The following DNAH17 variants were observed in gnomAD, a reference collection of about 807,000 sequenced individuals.
DNAH17 encodes dynein axonemal heavy chain 17.
In DNAH17, 376 loss-of-function variants were observed where a neutral mutation model predicts 485.6. The observed-to-expected ratio is 0.77, with a 90% CI of 0.71 to 0.84. DNAH17 has a LOEUF of 0.84. Ranked by LOEUF, DNAH17 falls within the 40% of genes least tolerant of loss-of-function variation. DNAH17 has a pLI of 0.00. For synonymous variants in DNAH17, 3,031 were observed against 2,405.9 expected, an observed-to-expected ratio of 1.26 and a Z score of -7.60; for missense variants, 6,370 against 5,839.3, an observed-to-expected ratio of 1.09 and a Z score of -2.96.
At chr17:78,445,714 A>G in intron 69 of DNAH17, 34 bp from the exon 70 acceptor site, 3 of 1,578,858 alleles carry the variant, frequency 1.9e-6, no homozygotes, top group Non-Finnish European at 2.6e-6. Context: ...CACTTAACGC[A>G]GCCAGTAAAA....
At position 78,506,861 on chromosome 17, in the gene DNAH17, G is replaced by C. The variant is rs1214043897; in HGVS notation, c.4677-15C>G. ...AGATGGCCAAGCTGGGAGGAAGGAA[G>C]GAAGTAGAGGAGGCCGGTGACCCTA... is the stretch of plus-strand genomic sequence containing the variant. On this transcript the variant is annotated splice_polypyrimidine_tract_variant and intron_variant, in intron 29 of 80. Transcript: ENST00000389840. 1 of 1,613,772 alleles carries C rather than the reference G, an allele frequency of 6.2e-7. No homozygotes were observed. The highest frequency in any genetic ancestry group is 2.2e-5 in the East Asian group (1 of 44,892).
chr17:78,498,936 G>C, intron 37 of DNAH17, 72 bp downstream of exon 37: 1 of 1,200,892 alleles, frequency 8.3e-7, no homozygotes, highest in Non-Finnish European at 1.2e-6. Flanking sequence ...TCTATCTGGC[G>C]TGTGAGGTCA....
At chr17:78,448,683 G>A (rs2087418553) in intron 69 of DNAH17, among the ~76,000 whole-genome samples, 2 of 152,240 alleles carry the variant, frequency 1.3e-5, no homozygotes, top group South Asian at 2.1e-4. Context: ...GTGTTGGGAG[G>A]TGGGGTCTGA....
Position 78,558,218 on chromosome 17 carries a change from A to G in DNAH17, c.2068T>C (p.Phe690Leu), listed in dbSNP as rs771183502. 13 of 1,613,844 alleles carry G rather than the reference A, an allele frequency of 8.1e-6. No individual in the cohort carries two copies. The highest frequency in any genetic ancestry group is 1.1e-5 in the Non-Finnish European group (13 of 1,179,828). Residue 690 changes from phenylalanine to leucine, a missense_variant, in exon 14 of 81, where the codon TTC (phenylalanine) becomes CTC (leucine). By Grantham distance (22) the Phe-to-Leu change is conservative. Coordinates refer to ENST00000389840, the MANE Select transcript of DNAH17 (RefSeq NM_173628.4). ...TCTGGAATCTCTTTCTGTTGCTGGA[A>G]ATTCAAATACTTGACTTCTCTCAGA... is the stretch of plus-strand genomic sequence containing the variant. ...AVLREVKYLN[F>L]QQQKEIPDSA... is the part of the protein sequence containing the mutation.
In DNAH17 at chr17:78,507,495, T is replaced by G. The variant is rs918902800; in HGVS notation, c.4547A>C (p.Asp1516Ala). ...GTTGATGTCGTCAAAGCGCTGGGAGTCCCCCGGGAGCTGGGTGCGGATGTC... is the reference window on the plus strand; with the variant it reads ...GTTGATGTCGTCAAAGCGCTGGGAGGCCCCCGGGAGCTGGGTGCGGATGTC... ...SEDIRTQLPG[D>A]SQRFDDINQE... Residue 1516 changes from aspartate (D) to alanine (A), a missense_variant, in exon 28 of 81, where the codon GAC (aspartate) becomes GCC (alanine). By Grantham distance (126) the Asp-to-Ala change is moderately radical (BLOSUM62 -2). Coordinates refer to ENST00000389840, the MANE Select transcript of DNAH17 (RefSeq NM_173628.4). 2.5e-6 allele frequency: 4 copies of G among 1,612,508 alleles called. No individual in the cohort carries two copies. Among genetic ancestry groups the G allele is most frequent in the Non-Finnish European group, 3.4e-6 (4 of 1,178,790 alleles).
chr17:78,510,900 G>C (rs1174203408), intron 26 of DNAH17, among the ~76,000 whole-genome samples: 3 of 152,248 alleles, frequency 2.0e-5, no homozygotes, highest in African/African-American at 7.2e-5. Context: ...CTCGTGACAG[G>C]AAGGAGAGGG....
At chr17:78,439,248 C>T (rs746614554) in intron 72 of DNAH17, 31 bp from the exon 73 acceptor site, 2 of 1,588,168 alleles carry the variant, frequency 1.3e-6, no homozygotes, top group African/African-American at 1.4e-5. Flanking sequence ...AAAAAAACAC[C>T]ACGTAATTAA....
intron 46 of DNAH17, 99 bp downstream of exon 46, chr17:78,485,861 T>C: frequency 1.9e-6 from 3 of 1,570,682 alleles, no homozygotes; most frequent in South Asian, 1.2e-5. Context: ...ATGTTGAAAA[T>C]CGGTTGTGTT....
chr17:78,440,982 A>G, intron 72 of DNAH17, 69 bp downstream of exon 72: 4 of 1,542,656 alleles, frequency 2.6e-6, no homozygotes, highest in South Asian at 1.2e-5. Flanking sequence ...TTTGGTGTGC[A>G]TTTTCCTGGT....
At chr17:78,571,882 C>T in intron 3 of DNAH17, 100 bp from the exon 4 acceptor site, 1 of 1,175,050 alleles carries the variant, frequency 8.5e-7, no homozygotes, top group South Asian at 1.5e-5. Flanking sequence ...CCCAAACCAC[C>T]AGCAGCAGCA....
intron 55 of DNAH17, among the ~76,000 whole-genome samples, chr17:78,468,025 AAAAAAAAAGAG>A (rs1344852929): frequency 1.9e-5 from 2 of 106,434 alleles, no homozygotes; most frequent in Non-Finnish European, 4.4e-5. Context: ...TCAAAAAAAA[AAAAAAAAAGAG>A]AGAGAGAGAG....
rs373788595 is a variant in DNAH17, at chr17:78,459,028, C to T, written c.9834G>A (p.Lys3278=). The change falls in exon 61 of 81, where the codon AAG becomes AAA. Residue 3278 remains lysine, a synonymous_variant. Coordinates refer to ENST00000389840, the MANE Select transcript of DNAH17 (RefSeq NM_173628.4). ...CAATCTTGTTTTTGATCCGGGACAG[C>T]TTCTCTTGTGCCTCTGCCAGCTCTG... ...ANAELAEAQE[K]LSRIKNKIAE... The T allele has an allele frequency of 3.7e-6, 6 of 1,613,946 alleles. No individual in the cohort carries two copies. The highest frequency in any genetic ancestry group is 2.7e-5 in the African/African-American group (2 of 74,944).
In DNAH17 at chr17:78,429,154, G is replaced by A. The variant is rs367945873; in HGVS notation, c.12372C>T (p.Pro4124=). Residue 4124 remains proline, a synonymous_variant, in exon 76 of 81, where the codon CCC becomes CCT. Transcript: ENST00000389840. ...EMLEGDVLLA[P]GFQIPPNLDY... The stretch of plus-strand genomic sequence containing the variant: ...CCAGGTTGGGGGGGATCTGAAAGCC[G>A]GGGGCCAGCAGGACGTCTCCCTCCA... The A allele has an allele frequency of 1.7e-4, 270 of 1,613,320 alleles. 2 individuals are homozygous for A. The South Asian group carries it at 2.4e-3, about 14-fold the overall frequency.
rs369724163 is a variant in DNAH17, at chr17:78,476,662, A to G, written c.8064T>C (p.Thr2688=). Residue 2688 remains threonine (T), a synonymous_variant, in exon 52 of 81, where the codon ACT becomes ACC. Transcript: ENST00000389840. ...CCATTTTGTCACCATACACTCGTTC[A>G]GTCTCATGTAGCCAAAGGCGGACGA... ...LDLVRLWLHE[T]ERVYGDKMVD... is the part of the protein sequence containing the mutation. 6.2e-7 allele frequency: 1 copy of G among 1,613,042 alleles called. No individual in the cohort carries two copies. The highest frequency in any genetic ancestry group is 1.3e-5 in the African/African-American group (1 of 75,014).
rs1405072777 is a variant in DNAH17 at position 78,494,062 on chromosome 17, C to T, written c.6382G>A (p.Gly2128Arg). Residue 2128 changes from glycine to arginine, a missense_variant, in exon 41 of 81, where the codon GGG becomes AGG. Coordinates refer to ENST00000389840, the MANE Select transcript of DNAH17 (RefSeq NM_173628.4). Reference protein sequence around the residue: ...LQVRHSVFIVGNAGSGKSQVL... With the variant: ...LQVRHSVFIVRNAGSGKSQVL... Reference sequence around the variant, plus strand: ...TGAGATTTGCCGCTGCCCGCATTCCCGACGATGAACACGGAGTGGCGGACC... The same window carrying T: ...TGAGATTTGCCGCTGCCCGCATTCCTGACGATGAACACGGAGTGGCGGACC... The T allele has an allele frequency of 4.3e-6, 7 of 1,612,838 alleles. No homozygotes were observed. Among genetic ancestry groups the T allele is most frequent in the East Asian group, 2.2e-5 (1 of 44,864 alleles).
Position 78,485,741 on chromosome 17 carries a change from G to C in DNAH17, c.7292C>G (p.Thr2431Ser). 6.2e-7 allele frequency: 1 copy of C among 1,612,802 alleles called. No individual in the cohort carries two copies. The highest frequency in any genetic ancestry group is 8.5e-7 in the Non-Finnish European group (1 of 1,179,854). The change falls in exon 47 of 81, where the codon ACC becomes AGC. Residue 2431 changes from threonine (T) to serine (S), a missense_variant. Coordinates refer to ENST00000389840, the MANE Select transcript of DNAH17 (RefSeq NM_173628.4). ...DVPLQASLVH[T>S]TETIRIRYFM... ...GTAGCGGATGCGGATGGTTTCCGTG[G>C]TGTGGACCAAAGAGGCCTGGGGCAG...
Position 78,570,247 on chromosome 17 carries a change from C to T in DNAH17, c.1044G>A (p.Met348Ile). Residue 348 changes from methionine (M) to isoleucine (I), a missense_variant and splice_region_variant, in exon 7 of 81, where the codon ATG becomes ATA. Physicochemically the swap from Met to Ile is conservative, Grantham distance 10. Coordinates refer to ENST00000389840, the MANE Select transcript of DNAH17 (RefSeq NM_173628.4). ...GACCCAGGGGCCAGGGGAGGGTTAC[C>T]ATCTCGATGATTTGGTTGCAGAACT... is the stretch of plus-strand genomic sequence containing the variant. ...LQEFCNQIIEMTRTFLSPEEV... is the reference protein window; with the variant it reads ...LQEFCNQIIEITRTFLSPEEV... 6.3e-7 allele frequency: 1 copy of T among 1,580,776 alleles called. No individual in the cohort carries two copies. The highest frequency in any genetic ancestry group is 2.3e-5 in the East Asian group (1 of 43,180).
At chr17:78,482,482 C>T (rs545522522) in intron 48 of DNAH17, among the ~76,000 whole-genome samples, 5 of 152,220 alleles carry the variant, frequency 3.3e-5, no homozygotes, top group Non-Finnish European at 5.9e-5. Flanking sequence ...TATATATGTC[C>T]ATGGTGTCTC....
intron 33 of DNAH17, chr17:78,502,240 G>A (rs1396848964): frequency 1.4e-5 from 5 of 345,946 alleles, no homozygotes; most frequent in East Asian, 1.3e-4. Context: ...TCATGCTTGG[G>A]TTGTGGAATT....
Sources: gnomAD v4.1 joint callset for allele counts (sites outside exome capture counted in the v4.1 genomes callset) on GRCh38, gnomAD v4.1.1 for gene constraint, MANE v1.5 for transcripts, NCBI Gene and HGNC (gene_info 2026-07-23, HGNC 2026-07-21) for gene names.